Variants in MCTP1 observed in about 807,000 individuals in gnomAD.
The protein encoded by MCTP1 is multiple C2 and transmembrane domain containing 1, also known as multiple C2 and transmembrane domain-containing protein 1.
A neutral mutation model predicts 120.6 loss-of-function variants in MCTP1; 69 were observed. The ratio of observed to expected loss-of-function variants is 0.57; its 90% CI spans 0.47 to 0.70. MCTP1 has a LOEUF of 0.70. Ranked by LOEUF, MCTP1 falls within the 30% of genes least tolerant of loss-of-function variation. The pLI is 0.00. For synonymous variants in MCTP1, 529 were observed against 493.1 expected (o/e 1.07, Z -0.96); for missense variants, 1,203 against 1,248.8 (o/e 0.96, Z 0.55).
At chr5:95,082,669 T>C (rs1358120015) in intron 1 of MCTP1, among the ~76,000 whole-genome samples, 1 of 151,982 alleles carries the variant, frequency 6.6e-6, no homozygotes, top group Non-Finnish European at 1.5e-5. Context: ...ATCATTTCAA[T>C]ATGTAATCAT....
At chr5:94,914,825 T>G (rs557194956) in intron 8 of MCTP1, among the ~76,000 whole-genome samples, 9 of 152,346 alleles carry the variant, frequency 5.9e-5, no homozygotes, top group African/African-American at 1.9e-4. Flanking sequence ...AAAGTAATTG[T>G]TTAGAATTTG....
chr5:95,089,250 T>G (rs1311782067), intron 1 of MCTP1, among the ~76,000 whole-genome samples: 1 of 152,212 alleles, frequency 6.6e-6, no homozygotes, highest in African/African-American at 2.4e-5. Context: ...GAGACTTTTT[T>G]ATTTCTGCAT....
At position 94,760,850 on chromosome 5, in the gene MCTP1, AATTTTTAT is replaced by A. The variant is rs201320448; in HGVS notation, c.2610+18252_2610+18259del. Reference sequence around the variant, plus strand: ...CAGGCATGTGCCACCATGCCAGGCTAATTTTTATATTTTTCATAGAGACAGGGTCCCAC... The same window carrying A: ...CAGGCATGTGCCACCATGCCAGGCTAATTTTTCATAGAGACAGGGTCCCAC... On this transcript the variant is annotated intron_variant, in intron 19 of 22. Transcript: ENST00000515393. Among the ~76,000 whole-genome samples, 747 of 151,888 alleles carry A rather than the reference AATTTTTAT, an allele frequency of 4.9e-3. 3 individuals are homozygous for A. Among genetic ancestry groups the A allele is most frequent in the Middle Eastern group, 0.017 (5 of 294 alleles).
intron 19 of MCTP1, among the ~76,000 whole-genome samples, chr5:94,771,411 T>C (rs775572631): frequency 2.5e-4 from 38 of 152,194 alleles, no homozygotes; most frequent in Non-Finnish European, 4.6e-4. Context: ...GGAATTAATG[T>C]TGAGAAGAAG....
intron 1 of MCTP1, among the ~76,000 whole-genome samples, chr5:95,029,170 A>AT (rs1455577603): frequency 1.3e-5 from 2 of 151,362 alleles, no homozygotes; most frequent in Non-Finnish European, 2.9e-5. Flanking sequence ...AAAAAAAAAA[A>AT]TGTAAAAGTG....
intron 1 of MCTP1, chr5:95,154,297 A>T (rs1329348259): frequency 6.6e-6 from 1 of 151,908 alleles, no homozygotes; most frequent in East Asian, 1.9e-4. Flanking sequence ...GAGTAATACA[A>T]TCAAAAGTGC....
intron 1 of MCTP1, among the ~76,000 whole-genome samples, chr5:95,181,399 T>C (rs185019286): frequency 4.5e-4 from 69 of 152,334 alleles, no homozygotes; most frequent in African/African-American, 1.5e-3. Flanking sequence ...TCCTTCCACA[T>C]AATATTCCCC....
chr5:94,780,047 TAC>T (rs1165846336), intron 18 of MCTP1, among the ~76,000 whole-genome samples: 1 of 152,090 alleles, frequency 6.6e-6, no homozygotes, highest in Non-Finnish European at 1.5e-5. Flanking sequence ...CACAGAAACC[TAC>T]AGTTTAAAAA....
At chr5:95,093,349 C>A (rs1755992699) in intron 1 of MCTP1, among the ~76,000 whole-genome samples, 1 of 152,104 alleles carries the variant, frequency 6.6e-6, no homozygotes, top group South Asian at 2.1e-4. Flanking sequence ...TGCTAAGGGC[C>A]AGTGATTGCT....
chr5:94,707,730 C>G (rs1224448904), intron 22 of MCTP1, among the ~76,000 whole-genome samples, 163 bp from the exon 23 acceptor site: 1 of 151,866 alleles, frequency 6.6e-6, no homozygotes, highest in Non-Finnish European at 1.5e-5. Flanking sequence ...AATGACAGAG[C>G]AAGAATAAGG....
intron 10 of MCTP1, among the ~76,000 whole-genome samples, chr5:94,895,609 A>C (rs1803784030): frequency 6.6e-6 from 1 of 152,252 alleles, no homozygotes; most frequent in Admixed American, 6.5e-5. Context: ...GAAATAGCCA[A>C]TTATAAGAAT....
At chr5:95,065,028 A>G (rs1429798164) in intron 1 of MCTP1, among the ~76,000 whole-genome samples, 1 of 152,214 alleles carries the variant, frequency 6.6e-6, no homozygotes, top group Non-Finnish European at 1.5e-5. Flanking sequence ...TTTTGTACAA[A>G]AAAAGATAAA....
chr5:94,867,398 A>G, intron 17 of MCTP1: 1 of 1,385,386 alleles, frequency 7.2e-7, no homozygotes, highest in Non-Finnish European at 9.9e-7. Context: ...AGGAAGACAG[A>G]GCTCAAAGTA....
At chr5:94,867,267 C>T in intron 17 of MCTP1, 1 of 1,516,830 alleles carries the variant, frequency 6.6e-7, no homozygotes, top group African/African-American at 1.4e-5. Context: ...TTTAGGGAGA[C>T]AACAACACGT....
At position 95,210,835 on chromosome 5, in the gene MCTP1, G is replaced by A. The variant is rs527954781; in HGVS notation, c.720+73021C>T. Among the ~76,000 whole-genome samples the A allele has an allele frequency of 1.7e-3, 256 of 152,144 alleles. 1 individual carries two copies. Among genetic ancestry groups the A allele is most frequent in the African/African-American group, 6.0e-3 (247 of 41,512 alleles). On this transcript the variant is annotated intron_variant, in intron 1 of 22. Transcript: ENST00000515393. Reference sequence around the variant, plus strand: ...TACCGGTTGTTCCTTTCCATGTTTAGTGCTTCCTTCAGGAGCTCTTTTAGG... The same window carrying A: ...TACCGGTTGTTCCTTTCCATGTTTAATGCTTCCTTCAGGAGCTCTTTTAGG...
At chr5:94,994,991 T>C (rs530828116) in intron 2 of MCTP1, among the ~76,000 whole-genome samples, 1 of 152,336 alleles carries the variant, frequency 6.6e-6, no homozygotes, top group African/African-American at 2.4e-5. Context: ...GACTGCACTA[T>C]CGGCTTCCTA....
At chr5:94,808,424 T>C (rs1297395274) in intron 17 of MCTP1, among the ~76,000 whole-genome samples, 1 of 152,212 alleles carries the variant, frequency 6.6e-6, no homozygotes, top group Non-Finnish European at 1.5e-5. Context: ...AATTGATGAC[T>C]ACCTTAGACC....
At chr5:95,233,440 T>G (rs1433598744) in intron 1 of MCTP1, among the ~76,000 whole-genome samples, 1 of 152,042 alleles carries the variant, frequency 6.6e-6, no homozygotes, top group Non-Finnish European at 1.5e-5. Flanking sequence ...GCCATTCTTC[T>G]GCCTCAGCCT....
intron 12 of MCTP1, among the ~76,000 whole-genome samples, chr5:94,874,932 G>T (rs751954456): frequency 6.6e-6 from 1 of 152,110 alleles, no homozygotes; most frequent in Non-Finnish European, 1.5e-5. Context: ...TAGGTCACAC[G>T]CATAGGAAAT....
Sources: allele counts gnomAD v4.1 joint callset (sites outside exome capture counted in the v4.1 genomes callset), GRCh38; gene constraint gnomAD v4.1.1; transcripts MANE v1.5; gene names NCBI Gene and HGNC (gene_info 2026-07-23, HGNC 2026-07-21).